Variants in TAB2 observed in about 807,000 individuals in gnomAD.
The protein encoded by TAB2 is TGF-beta activated kinase 1 (MAP3K7) binding protein 2.
TAB2 carries 3 observed loss-of-function variants against 65.0 expected under a neutral mutation model. The ratio of observed to expected loss-of-function variants is 0.05; its 90% CI spans 0.02 to 0.12. The LOEUF (loss-of-function observed/expected upper bound fraction) is 0.12. TAB2 is among the 10% of genes least tolerant of loss of function. TAB2 has a pLI of 1.00. For synonymous variants in TAB2, 298 were observed against 285.1 expected (o/e 1.05, Z -0.46); for missense variants, 623 against 840.3 (o/e 0.74, Z 3.20).
chr6:149,337,923 G>C (rs1168230382), intron 1 of TAB2, among the ~76,000 whole-genome samples: 1 of 151,662 alleles, frequency 6.6e-6, no homozygotes, highest in East Asian at 1.9e-4. Flanking sequence ...AATAGAACTT[G>C]GTGGTATGGG....
chr6:149,389,885 T>A (rs867752035), intron 3 of TAB2, among the ~76,000 whole-genome samples: 1 of 152,186 alleles, frequency 6.6e-6, no homozygotes, highest in South Asian at 2.1e-4. Context: ...TCACCAGTTA[T>A]GCTAAAATGA....
At chr6:149,349,186 T>C (rs551627) in intron 1 of TAB2, among the ~76,000 whole-genome samples, 132,326 of 151,788 alleles carry the variant, frequency 0.87, 57,755 homozygotes, top group Middle Eastern at 0.97. Flanking sequence ...TTTGGGAGAC[T>C]GAGGCGGGTT....
chr6:149,377,306 G>A (rs1313531584), intron 2 of TAB2, among the ~76,000 whole-genome samples: 16 of 151,392 alleles, frequency 1.1e-4, no homozygotes, highest in East Asian at 2.0e-4. Context: ...TGATCCACCC[G>A]CCTCGGCCTC....
intron 1 of TAB2, among the ~76,000 whole-genome samples, chr6:149,287,597 A>G (rs983553007): frequency 6.6e-6 from 1 of 152,134 alleles, no homozygotes; most frequent in Non-Finnish European, 1.5e-5. Flanking sequence ...CTGCTGATGT[A>G]TATATTAACT....
chr6:149,370,882 A>G (rs1781201565), intron 2 of TAB2, among the ~76,000 whole-genome samples: 1 of 151,946 alleles, frequency 6.6e-6, no homozygotes, highest in Non-Finnish European at 1.5e-5. Context: ...CCTGGCCAAC[A>G]TGGCAAAACC....
chr6:149,339,597 A>T (rs6929094), intron 1 of TAB2, among the ~76,000 whole-genome samples: 5,639 of 35,648 alleles, frequency 0.16, 459 homozygotes, highest in African/African-American at 0.26. Context: ...TTATTTATTT[A>T]TTTATTTATT....
rs547166071 is a variant in TAB2 at position 149,358,484 on chromosome 6, G to A, written c.-89-11425G>A. On this transcript the variant is annotated intron_variant, in intron 1 of 6. Transcript: ENST00000637181. Reference sequence around the variant, plus strand: ...TATTCTGTCTTCCGGCATCTACTGCGACTAATTAGAAGTTCATCAATCTAG... The same window carrying A: ...TATTCTGTCTTCCGGCATCTACTGCAACTAATTAGAAGTTCATCAATCTAG... 4.6e-5 allele frequency among the ~76,000 whole-genome samples: 7 copies of A among 152,186 alleles called. No homozygotes were observed. In the South Asian group the frequency reaches 6.2e-4, roughly 14 times the overall value.
upstream of TAB2, among the ~76,000 whole-genome samples, chr6:149,218,258 G>A (rs766123073): frequency 3.5e-4 from 54 of 152,252 alleles, no homozygotes; most frequent in Non-Finnish European, 2.8e-4. Flanking sequence ...TTTTGTACTC[G>A]GATAGGTTGG....
chr6:149,398,962 A>G (rs1449949744), intron 5 of TAB2, 142 bp from the exon 6 acceptor site: 2 of 688,132 alleles, frequency 2.9e-6, no homozygotes, highest in Admixed American at 2.6e-5. Context: ...GAAATCTTAC[A>G]TATAATTCGA....
chr6:149,316,906 G>A (rs956235843), upstream of TAB2, among the ~76,000 whole-genome samples: 2 of 152,010 alleles, frequency 1.3e-5, no homozygotes, highest in African/African-American at 2.4e-5. Context: ...CCCTAGGGAC[G>A]ATTCTGCACG....
chr6:149,250,358 T>C (rs1777833572), intron 1 of TAB2, among the ~76,000 whole-genome samples: 2 of 152,062 alleles, frequency 1.3e-5, no homozygotes, highest in African/African-American at 4.8e-5. Flanking sequence ...CAGGCTATAA[T>C]GCAATGGCGC....
At chr6:149,338,490 A>T (rs554494306) in intron 1 of TAB2, among the ~76,000 whole-genome samples, 1 of 152,340 alleles carries the variant, frequency 6.6e-6, no homozygotes, top group East Asian at 1.9e-4. Context: ...TTCACTTTGC[A>T]GGCTGAAAAG....
At chr6:149,308,615 G>T (rs111574019) in intron 1 of TAB2, among the ~76,000 whole-genome samples, 21,517 of 151,738 alleles carry the variant, frequency 0.14, 2,015 homozygotes, top group African/African-American at 0.25. Context: ...CGTAACCTCC[G>T]CCTCCCAGGT....
chr6:149,402,992 T>C (rs1782489268), intron 6 of TAB2, among the ~76,000 whole-genome samples: 1 of 151,984 alleles, frequency 6.6e-6, no homozygotes, highest in Non-Finnish European at 1.5e-5. Context: ...CCTAGCACTT[T>C]GGGAGACCGA....
intron 1 of TAB2, among the ~76,000 whole-genome samples, chr6:149,325,209 G>C (rs2114737505): frequency 6.6e-6 from 1 of 152,238 alleles, no homozygotes; most frequent in South Asian, 2.1e-4. Flanking sequence ...TGTGATTTTA[G>C]ACATCATTCA....
chr6:149,234,975 AT>A (rs1388837265), intron 1 of TAB2, among the ~76,000 whole-genome samples: 3 of 152,190 alleles, frequency 2.0e-5, no homozygotes, highest in African/African-American at 7.2e-5. Flanking sequence ...CCACTTTTAG[AT>A]TTTCAAAAAC....
chr6:149,230,891 T>C (rs559829449), intron 1 of TAB2, among the ~76,000 whole-genome samples: 5 of 152,366 alleles, frequency 3.3e-5, no homozygotes, highest in Admixed American at 1.3e-4. Context: ...TCTGGCATTT[T>C]AGGGGAACTG....
At chr6:149,346,623 T>G (rs1219011065) in intron 1 of TAB2, 1 of 151,986 alleles carries the variant, frequency 6.6e-6, no homozygotes, top group African/African-American at 2.4e-5. Flanking sequence ...CCAGCTAATT[T>G]TTGTATTTTT....
At chr6:149,381,988 A>G (rs1781626314) in intron 3 of TAB2, among the ~76,000 whole-genome samples, 1 of 152,158 alleles carries the variant, frequency 6.6e-6, no homozygotes, top group African/African-American at 2.4e-5. Flanking sequence ...GTCTTCTTTC[A>G]ACTCAGCATC....
Sources: allele counts gnomAD v4.1 joint callset (sites outside exome capture counted in the v4.1 genomes callset), GRCh38; gene constraint gnomAD v4.1.1; transcripts MANE v1.5; gene names NCBI Gene and HGNC (gene_info 2026-07-23, HGNC 2026-07-21).